Variants in BIK observed in about 807,000 individuals in gnomAD.
BIK encodes BCL2 interacting killer.
BIK carries 14 observed loss-of-function variants against 12.1 expected under a neutral mutation model. That is an observed-to-expected ratio of 1.16 (90% CI 0.77 to 1.81). The LOEUF (loss-of-function observed/expected upper bound fraction) is 1.81. Among genes scored for constraint, BIK ranks in the 40% most tolerant of loss-of-function variants. The pLI, the probability that BIK is intolerant of heterozygous loss-of-function variation, is 0.00. For synonymous variants in BIK, 86 were observed against 92.3 expected (o/e 0.93, Z 0.39); for missense variants, 215 against 207.9 (o/e 1.03, Z -0.21).
At position 43,129,265 on chromosome 22, in the gene BIK, T is replaced by A; in HGVS notation, c.443T>A (p.Leu148Gln). 6.3e-7 allele frequency: 1 copy of A among 1,599,458 alleles called. No individual in the cohort carries two copies. The highest frequency in any genetic ancestry group is 8.5e-7 in the Non-Finnish European group (1 of 1,177,368). ...LALLLLLALLLPLLSGGLHLL... is the reference protein window; with the variant it reads ...LALLLLLALLQPLLSGGLHLL... ...CTGCTGCTGCTGCTGGCGCTGCTGC[T>A]GCCGCTGCTCAGCGGGGGCCTGCAC... The change falls in exon 5 of 5, where the codon CTG becomes CAG. Residue 148 changes from leucine (L) to glutamine (Q), a missense_variant. Coordinates refer to ENST00000216115, the MANE Select transcript of BIK (RefSeq NM_001197.5).
At chr22:43,122,663 T>C (rs1275132855) in intron 1 of BIK, among the ~76,000 whole-genome samples, 1 of 152,124 alleles carries the variant, frequency 6.6e-6, no homozygotes, top group African/African-American at 2.4e-5. Flanking sequence ...TGGCATGGGA[T>C]TCGCAATGAT....
At chr22:43,115,449 A>C (rs1308821941) in intron 1 of BIK, among the ~76,000 whole-genome samples, 1 of 151,828 alleles carries the variant, frequency 6.6e-6, no homozygotes, top group African/African-American at 2.4e-5. Context: ...CTTCAGCCTC[A>C]GCATTTCAGA....
At chr22:43,125,638 T>A (rs1930299430) in intron 2 of BIK, among the ~76,000 whole-genome samples, 1 of 151,898 alleles carries the variant, frequency 6.6e-6, no homozygotes, top group Non-Finnish European at 1.5e-5. Flanking sequence ...GAAAATCACT[T>A]GAACCCGGGA....
At chr22:43,114,739 G>A (rs904196279) in intron 1 of BIK, among the ~76,000 whole-genome samples, 1 of 152,222 alleles carries the variant, frequency 6.6e-6, no homozygotes, top group East Asian at 1.9e-4. Context: ...AGATAAATCC[G>A]AGCTCGGACC....
rs529029498 is a variant in BIK at position 43,129,311 on chromosome 22, C to T, written c.*6C>T. 1.5e-4 allele frequency: 239 copies of T among 1,597,820 alleles called. 2 individuals are homozygous for T. The South Asian group carries it at 1.7e-3, about 11-fold the overall frequency. On this transcript the variant is annotated 3_prime_UTR_variant, in exon 5 of 5. Coordinates refer to ENST00000216115, the MANE Select transcript of BIK (RefSeq NM_001197.5). ...TGCACCTGCTGCTCAAGTGAGGCCCCGGCGGCTCAGGGCGGGGCTGGCCCC... is the reference window on the plus strand; with the variant it reads ...TGCACCTGCTGCTCAAGTGAGGCCCTGGCGGCTCAGGGCGGGGCTGGCCCC...
chr22:43,128,661 T>C, intron 4 of BIK, 36 bp downstream of exon 4: 4 of 1,575,928 alleles, frequency 2.5e-6, no homozygotes, highest in Non-Finnish European at 3.4e-6. Context: ...TGACTTGCGC[T>C]GCGGCCAGTG....
chr22:43,129,537 C>T lies in BIK; in HGVS notation c.*232C>T, dbSNP rs1427461350. 1.4e-5 allele frequency: 10 copies of T among 700,936 alleles called. No individual in the cohort carries two copies. Among genetic ancestry groups the T allele is most frequent in the Admixed American group, 6.8e-5 (2 of 29,490 alleles). The allele number at this position is 700,936 out of a possible 1,614,324, so 43.4% of individuals were successfully genotyped here. On this transcript the variant is annotated 3_prime_UTR_variant, in exon 5 of 5. Coordinates refer to ENST00000216115, the MANE Select transcript of BIK (RefSeq NM_001197.5). The stretch of plus-strand genomic sequence containing the variant: ...ATTCCTATGGCTCTGCAATTGTCAC[C>T]GGTTAACTGTGGCCTGTGCCCAGGA...
chr22:43,117,175 C>T (rs1050166422), intron 1 of BIK, among the ~76,000 whole-genome samples: 3 of 152,102 alleles, frequency 2.0e-5, no homozygotes, highest in South Asian at 4.1e-4. Flanking sequence ...CTGTGACGGA[C>T]GGAGGTCTCC....
chr22:43,126,314 T>G (rs191326821), intron 2 of BIK, among the ~76,000 whole-genome samples: 191 of 151,988 alleles, frequency 1.3e-3, no homozygotes, highest in African/African-American at 4.5e-3. Context: ...GCCTCCTGAG[T>G]AGCTGGGACT....
chr22:43,127,397 C>T (rs948359739), intron 2 of BIK, among the ~76,000 whole-genome samples: 16 of 152,210 alleles, frequency 1.1e-4, no homozygotes, highest in Non-Finnish European at 1.6e-4. Flanking sequence ...CCAGACCTGC[C>T]TGTTCCCCTT....
At chr22:43,121,424 C>T (rs1452479332) in intron 1 of BIK, among the ~76,000 whole-genome samples, 1 of 152,156 alleles carries the variant, frequency 6.6e-6, no homozygotes, top group Non-Finnish European at 1.5e-5. Context: ...CAGCGCAGCC[C>T]ACTCTGGTGG....
chr22:43,115,504 G>A (rs752583627), intron 1 of BIK, among the ~76,000 whole-genome samples: 6 of 151,926 alleles, frequency 3.9e-5, no homozygotes, highest in South Asian at 4.2e-4. Flanking sequence ...CTCCTGTCGC[G>A]GGGGCTGGAG....
intron 1 of BIK, among the ~76,000 whole-genome samples, chr22:43,111,286 C>T (rs1470428511): frequency 6.6e-6 from 1 of 152,104 alleles, no homozygotes; most frequent in African/African-American, 2.4e-5. Flanking sequence ...GGGACCGGCT[C>T]CCGGAGGCGC....
At chr22:43,129,087 C>T in intron 4 of BIK, 126 bp from the exon 5 acceptor site, 1 of 1,524,726 alleles carries the variant, frequency 6.6e-7, no homozygotes, top group Non-Finnish European at 9.0e-7. Flanking sequence ...CCTTCCTTCT[C>T]TGGTCCCCTC....
At position 43,127,703 on chromosome 22, in the gene BIK, A is replaced by T; in HGVS notation, c.168A>T (p.Ala56=). ...CTGTGTGTGCTCCCTGCAGTGACGCATTGGCCCTGCGGCTGGCCTGCATCG... is the reference window on the plus strand; with the variant it reads ...CTGTGTGTGCTCCCTGCAGTGACGCTTTGGCCCTGCGGCTGGCCTGCATCG... The part of the protein sequence containing the change: ...DSLECMEGSD[A]LALRLACIGD... Residue 56 remains alanine, a synonymous_variant, in exon 3 of 5, where the codon GCA becomes GCT. Coordinates refer to ENST00000216115, the MANE Select transcript of BIK (RefSeq NM_001197.5). The T allele has an allele frequency of 6.4e-7, 1 of 1,554,306 alleles. No individual in the cohort carries two copies. The highest frequency in any genetic ancestry group is 8.7e-7 in the Non-Finnish European group (1 of 1,149,348).
chr22:43,118,089 C>T (rs536087617), intron 1 of BIK, among the ~76,000 whole-genome samples: 2 of 152,184 alleles, frequency 1.3e-5, no homozygotes, highest in Non-Finnish European at 2.9e-5. Context: ...CTCGGCCTCC[C>T]GAAGGGCTGT....
At chr22:43,128,719 G>A (rs555965092) in intron 4 of BIK, 94 bp downstream of exon 4, 15 of 1,468,830 alleles carry the variant, frequency 1.0e-5, no homozygotes, top group Non-Finnish European at 1.4e-5. Flanking sequence ...CCACCACTCC[G>A]TATCATCATC....
At position 43,128,330 on chromosome 22, in the gene BIK, G is replaced by T. The variant is rs180892984; in HGVS notation, c.261-166G>T. Among the ~76,000 whole-genome samples, 24 of 152,314 alleles carry T rather than the reference G, an allele frequency of 1.6e-4. No individual in the cohort carries two copies. The East Asian group carries it at 4.6e-3, about 29-fold the overall frequency. ...TTTGACCACAAACAGTCCATACCAC[G>T]CGGCCCCTGCAGGTGGAGGCGCCCA... On this transcript the variant is annotated intron_variant, in intron 3 of 4. Transcript: ENST00000216115.
chr22:43,113,661 T>C (rs1930054779), intron 1 of BIK, among the ~76,000 whole-genome samples: 1 of 152,100 alleles, frequency 6.6e-6, no homozygotes, highest in Non-Finnish European at 1.5e-5. Flanking sequence ...CGGAAGGATG[T>C]AATTGAGGAA....
Sources: allele counts gnomAD v4.1 joint callset (sites outside exome capture counted in the v4.1 genomes callset), GRCh38; gene constraint gnomAD v4.1.1; transcripts MANE v1.5; gene names NCBI Gene and HGNC (gene_info 2026-07-23, HGNC 2026-07-21).